Variants in SOCS5 observed in about 807,000 individuals in gnomAD.
The protein encoded by SOCS5 is suppressor of cytokine signaling 5.
SOCS5 carries 32 observed loss-of-function variants against 42.8 expected under a neutral mutation model. That is an observed-to-expected ratio of 0.75 (90% CI 0.56 to 1.01). SOCS5 has a LOEUF of 1.01. Among genes scored for constraint, SOCS5 ranks in the 50% least tolerant of loss-of-function variants. The pLI is 0.00. For missense variants in SOCS5, 627 were observed against 653.0 expected (o/e 0.96, Z 0.43); for synonymous variants, 283 against 229.6 (o/e 1.23, Z -2.10).
At chr2:46,749,394 C>A (rs1673576483) in intron 1 of SOCS5, among the ~76,000 whole-genome samples, 1 of 152,184 alleles carries the variant, frequency 6.6e-6, no homozygotes, top group South Asian at 2.1e-4. Context: ...ACTTAGGTCT[C>A]TAACACAGCT....
intron 1 of SOCS5, among the ~76,000 whole-genome samples, chr2:46,748,189 CTTT>C (rs35861326): frequency 7.9e-5 from 11 of 138,768 alleles, no homozygotes; most frequent in Admixed American, 1.5e-4. Context: ...TTTTCTTTTT[CTTT>C]TTTTTTTTTT....
chr2:46,747,247 A>G (rs1673523172), intron 1 of SOCS5, among the ~76,000 whole-genome samples: 1 of 151,696 alleles, frequency 6.6e-6, no homozygotes, highest in African/African-American at 2.4e-5. Flanking sequence ...TTGAGACAGG[A>G]TTTTGCTCTG....
chr2:46,733,448 C>T lies in SOCS5; in HGVS notation c.-12-25071C>T, dbSNP rs1359195974. On this transcript the variant is annotated intron_variant, in intron 1 of 1. Coordinates refer to ENST00000394861, the MANE Select transcript of SOCS5 (RefSeq NM_144949.3). ...AACTAGTTGGGTGTGGGGCCCATGC[C>T]TGTAATTCCAGCACTTTGGGAAACT... Among the ~76,000 whole-genome samples the T allele has an allele frequency of 2.6e-5, 4 of 151,976 alleles. No individual in the cohort carries two copies. The South Asian group carries it at 6.2e-4, about 24-fold the overall frequency.
At chr2:46,741,108 C>G (rs1444887457) in intron 1 of SOCS5, among the ~76,000 whole-genome samples, 1 of 152,162 alleles carries the variant, frequency 6.6e-6, no homozygotes, top group Non-Finnish European at 1.5e-5. Context: ...ATTTGTGTCT[C>G]TTCCCTTCCT....
At chr2:46,747,736 A>T (rs1572845710) in intron 1 of SOCS5, among the ~76,000 whole-genome samples, 1 of 152,158 alleles carries the variant, frequency 6.6e-6, no homozygotes, top group Non-Finnish European at 1.5e-5. Flanking sequence ...GTGTCTAGCA[A>T]ATAAAGTTTG....
chr2:46,726,944 C>T (rs181497201), intron 1 of SOCS5, among the ~76,000 whole-genome samples: 9 of 151,350 alleles, frequency 5.9e-5, no homozygotes, highest in East Asian at 5.9e-4. Context: ...TTATTAGAGA[C>T]GGGGTTTCTC....
At chr2:46,745,562 A>T (rs1673477922) in intron 1 of SOCS5, among the ~76,000 whole-genome samples, 1 of 152,158 alleles carries the variant, frequency 6.6e-6, no homozygotes, top group Non-Finnish European at 1.5e-5. Context: ...GCTATGTTAG[A>T]CCTTAAATAA....
intron 1 of SOCS5, among the ~76,000 whole-genome samples, chr2:46,721,254 A>G (rs76664677): frequency 6.6e-6 from 1 of 152,150 alleles, no homozygotes. Context: ...TGTACTCCAT[A>G]GTACTTTATT....
chr2:46,747,323 T>C (rs559188488), intron 1 of SOCS5, among the ~76,000 whole-genome samples: 1 of 152,068 alleles, frequency 6.6e-6, no homozygotes, highest in Admixed American at 6.5e-5. Context: ...TGGGCTCAAG[T>C]GATCCTCCCA....
intron 1 of SOCS5, among the ~76,000 whole-genome samples, chr2:46,754,319 C>G (rs1279344009): frequency 6.6e-6 from 1 of 152,138 alleles, no homozygotes; most frequent in African/African-American, 2.4e-5. Context: ...CCTTATAGAT[C>G]TTTACAATAT....
At chr2:46,745,334 G>A (rs1266250799) in intron 1 of SOCS5, among the ~76,000 whole-genome samples, 1 of 152,120 alleles carries the variant, frequency 6.6e-6, no homozygotes, top group Admixed American at 6.5e-5. Flanking sequence ...AGACAGGAAA[G>A]GGAAAGTTTG....
At chr2:46,743,327 G>A (rs4953415) in intron 1 of SOCS5, among the ~76,000 whole-genome samples, 108,906 of 151,994 alleles carry the variant, frequency 0.72, 39,714 homozygotes, top group African/African-American at 0.83. Context: ...CGGCCCCGTG[G>A]GCTGCTGGTT....
intron 1 of SOCS5, among the ~76,000 whole-genome samples, chr2:46,748,708 G>T (rs1673562005): frequency 6.6e-6 from 1 of 152,084 alleles, no homozygotes; most frequent in Admixed American, 6.6e-5. Context: ...TAGATAAAAA[G>T]TAAAAAAGTT....
rs1672292604 is a variant in SOCS5, at chr2:46,699,478, C to T, written c.-13+29C>T. The T allele has an allele frequency of 6.6e-6, 1 of 151,864 alleles. No homozygotes were observed. Among genetic ancestry groups the T allele is most frequent in the Non-Finnish European group, 1.5e-5 (1 of 67,786 alleles). 9.4% of individuals were successfully genotyped at this position (151,864 alleles called of 1,614,324 possible). ...AGTGTCCCCGCGGTCGCGCCCGGCC[C>T]GCCGCCTGCTCCCCGGCCCCCGCGC... On this transcript the variant is annotated intron_variant, in intron 1 of 1. Coordinates refer to ENST00000394861, the MANE Select transcript of SOCS5 (RefSeq NM_144949.3). The surrounding 1 kb of genome is among the most constrained non-coding windows in gnomAD (Gnocchi z 4.8).
Position 46,699,924 on chromosome 2 carries a change from G to A in SOCS5, c.-13+475G>A, listed in dbSNP as rs1282009733. Reference sequence around the variant, plus strand: ...CCGATCTGGGGGTCTTCAAGGTCGAGGAGAAAAGATCCTCTTGGGGATGAG... The same window carrying A: ...CCGATCTGGGGGTCTTCAAGGTCGAAGAGAAAAGATCCTCTTGGGGATGAG... On this transcript the variant is annotated intron_variant, in intron 1 of 1. Transcript: ENST00000394861. This position sits in a 1 kb window ranked among gnomAD's most constrained non-coding sequence, Gnocchi z 4.8. 6.6e-6 allele frequency among the ~76,000 whole-genome samples: 1 copy of A among 152,094 alleles called. No homozygotes were observed. Among genetic ancestry groups the A allele is most frequent in the Non-Finnish European group, 1.5e-5 (1 of 68,004 alleles).
chr2:46,699,608 G>A lies in SOCS5; in HGVS notation c.-13+159G>A, dbSNP rs149904494. ...GCGGAGGCAGCGCCGGCCTCTGGCT[G>A]GGATGGGCTGGCCGGGAAAAGGACT... On this transcript the variant is annotated intron_variant, in intron 1 of 1. Transcript: ENST00000394861. The surrounding 1 kb of genome is among the most constrained non-coding windows in gnomAD (Gnocchi z 4.8). Among the ~76,000 whole-genome samples the A allele has an allele frequency of 2.7e-4, 41 of 152,232 alleles. 1 individual carries two copies. The East Asian group carries it at 7.7e-3, about 29-fold the overall frequency.
intron 1 of SOCS5, among the ~76,000 whole-genome samples, chr2:46,705,431 G>A (rs983203089): frequency 6.6e-6 from 1 of 152,192 alleles, no homozygotes; most frequent in Non-Finnish European, 1.5e-5. Context: ...CTTTTCGGTA[G>A]AGAGAAATCC....
intron 1 of SOCS5, among the ~76,000 whole-genome samples, chr2:46,748,241 A>G (rs1384032004): frequency 1.4e-5 from 2 of 144,984 alleles, no homozygotes; most frequent in Non-Finnish European, 3.0e-5. Context: ...GCTGGAGTGC[A>G]GTGGTACGAA....
At chr2:46,716,573 G>T (rs1672749749) in intron 1 of SOCS5, among the ~76,000 whole-genome samples, 1 of 151,824 alleles carries the variant, frequency 6.6e-6, no homozygotes, top group African/African-American at 2.4e-5. Context: ...GAATTCCTGG[G>T]CTCAAGACAT....
Sources: gnomAD v4.1 joint callset for allele counts (sites outside exome capture counted in the v4.1 genomes callset) on GRCh38, gnomAD v4.1.1 for gene constraint, Gnocchi (gnomAD v3.1) non-coding constraint, MANE v1.5 for transcripts, NCBI Gene and HGNC (gene_info 2026-07-23, HGNC 2026-07-21) for gene names.